The following IP6K2 variants were observed in gnomAD, a reference collection of about 807,000 sequenced individuals.
IP6K2 encodes ATP:1D-myo-inositol-hexakisphosphate phosphotransferase.
A neutral mutation model predicts 43.3 loss-of-function variants in IP6K2; 9 were observed. The observed-to-expected ratio is 0.21, with a 90% confidence interval of 0.13 to 0.36. IP6K2 has a LOEUF of 0.36. Among genes scored for constraint, IP6K2 ranks in the 10% least tolerant of loss-of-function variants. The pLI, the probability that IP6K2 is intolerant of heterozygous loss-of-function variation, is 1.00. For missense variants in IP6K2, 332 were observed against 538.4 expected, an observed-to-expected ratio of 0.62 and a Z score of 3.79; for synonymous variants, 209 against 202.4, an observed-to-expected ratio of 1.03 and a Z score of -0.28.
At chr3:48,700,423 C>T (rs1426663337) in intron 1 of IP6K2, among the ~76,000 whole-genome samples, 1 of 152,066 alleles carries the variant, frequency 6.6e-6, no homozygotes, top group Non-Finnish European at 1.5e-5. Context: ...ACGATAAAGC[C>T]CATGCAATGT....
intron 1 of IP6K2, among the ~76,000 whole-genome samples, chr3:48,716,825 C>T (rs1559581938): frequency 6.6e-6 from 1 of 152,134 alleles, no homozygotes; most frequent in Admixed American, 6.5e-5. Context: ...AGATCTTGCG[C>T]TTCCCAAGAC....
chr3:48,693,500 A>G, intron 2 of IP6K2: 1 of 1,267,286 alleles, frequency 7.9e-7, no homozygotes, highest in Non-Finnish European at 1.0e-6. Flanking sequence ...TTCTAATCCT[A>G]AAAGACTGAA....
chr3:48,715,359 C>G, intron 1 of IP6K2: 1 of 1,536,202 alleles, frequency 6.5e-7, no homozygotes, highest in Non-Finnish European at 8.7e-7. Flanking sequence ...TCCCTGTTGC[C>G]TAGATACCAG....
chr3:48,698,666 T>C (rs528421350), intron 1 of IP6K2, among the ~76,000 whole-genome samples: 1 of 152,194 alleles, frequency 6.6e-6, no homozygotes, highest in East Asian at 1.9e-4. Flanking sequence ...AGAGATGGGG[T>C]TTCGCCATGT....
chr3:48,713,735 G>A (rs986023965), intron 1 of IP6K2, among the ~76,000 whole-genome samples: 2 of 147,672 alleles, frequency 1.4e-5, no homozygotes, highest in African/African-American at 5.0e-5. Context: ...AGGTTGCAGT[G>A]AGCCGAGATC....
intron 1 of IP6K2, chr3:48,708,350 G>A (rs962897606): frequency 2.0e-5 from 3 of 151,966 alleles, no homozygotes; most frequent in Non-Finnish European, 2.9e-5. Context: ...AAAGCTTCTC[G>A]CTAAAACAAT....
rs1368799094 is a variant in IP6K2 at position 48,690,849 on chromosome 3, C to A, written c.604+458G>T. 2.7e-5 allele frequency among the ~76,000 whole-genome samples: 4 copies of A among 147,510 alleles called. No homozygotes were observed. In the East Asian group the frequency reaches 8.0e-4, roughly 30 times the overall value. On this transcript the variant is annotated intron_variant, in intron 4 of 5. Coordinates refer to ENST00000328631, the MANE Select transcript of IP6K2 (RefSeq NM_016291.4). ...GAAAAAAAGAAAAGAGAAAAGAAAA[C>A]AAATATTTCCTTATGCACAGCTCAT... is the stretch of plus-strand genomic sequence containing the variant.
chr3:48,711,327 C>T (rs2080491075), intron 1 of IP6K2: 1 of 152,230 alleles, frequency 6.6e-6, no homozygotes, highest in African/African-American at 2.4e-5. Flanking sequence ...TTACAGTCCT[C>T]CTCTGGCCTT....
rs549835766 is a variant in IP6K2 at position 48,710,260 on chromosome 3, T to C, written c.-131+6897A>G. On this transcript the variant is annotated intron_variant, in intron 1 of 5. Coordinates refer to ENST00000328631, the MANE Select transcript of IP6K2 (RefSeq NM_016291.4). ...TAAAAATTAGCCAGGCTTGGTGGCA[T>C]GCGCCTGTAGTCCTAGCTACTCAGA... is the stretch of plus-strand genomic sequence containing the variant. 1.4e-4 allele frequency among the ~76,000 whole-genome samples: 21 copies of C among 152,126 alleles called. No individual in the cohort carries two copies. The South Asian group carries it at 4.2e-3, about 30-fold the overall frequency.
intron 1 of IP6K2, among the ~76,000 whole-genome samples, chr3:48,706,552 T>C (rs896563462): frequency 3.3e-5 from 5 of 152,124 alleles, no homozygotes; most frequent in Non-Finnish European, 7.4e-5. Flanking sequence ...ATTGCTATTA[T>C]AGAAAGAGGT....
chr3:48,688,410 T>C lies in IP6K2; in HGVS notation c.1144A>G (p.Ile382Val), dbSNP rs150963193. Residue 382 changes from isoleucine to valine, a missense_variant, in exon 6 of 6, where the codon ATC (isoleucine) becomes GTC (valine). By Grantham distance (29) the Ile-to-Val change is conservative. Coordinates refer to ENST00000328631, the MANE Select transcript of IP6K2 (RefSeq NM_016291.4). The surrounding 1 kb of genome is among the most constrained non-coding windows in gnomAD (Gnocchi z 5.1). ...IGASSVDVRM[I>V]DFAHTTCRLY... is the part of the protein sequence containing the mutation. ...CTGCAGGTGGTGTGTGCAAAGTCGA[T>C]CATGCGCACATCTACAGAGCTGGCG... 6.2e-7 allele frequency: 1 copy of C among 1,614,094 alleles called. No homozygotes were observed. Among genetic ancestry groups the C allele is most frequent in the Non-Finnish European group, 8.5e-7 (1 of 1,180,044 alleles).
intron 1 of IP6K2, among the ~76,000 whole-genome samples, chr3:48,709,856 AT>A (rs2080280425): frequency 6.6e-6 from 1 of 151,562 alleles, no homozygotes. Context: ...AAATTAATTA[AT>A]TAAAAAAAAA....
chr3:48,700,635 G>C (rs981030747), intron 1 of IP6K2, among the ~76,000 whole-genome samples: 10 of 152,186 alleles, frequency 6.6e-5, no homozygotes, highest in African/African-American at 2.2e-4. Context: ...TTAAGGATCT[G>C]TTGGAAACAA....
rs1553636127 is a variant in IP6K2, at chr3:48,693,233, G to C, written c.203-54C>G. ...TTTTAATTTAGCAGGAAGAAGCGTT[G>C]TAAGTAACATGATTGTAACATTTGT... On this transcript the variant is annotated intron_variant, in intron 2 of 5. Transcript: ENST00000328631. 9 of 1,430,186 alleles carry C rather than the reference G, an allele frequency of 6.3e-6. 1 individual carries two copies. Among genetic ancestry groups the C allele is most frequent in the South Asian group, 2.3e-5 (2 of 87,376 alleles). 88.6% of individuals were successfully genotyped at this position (1,430,186 alleles called of 1,614,324 possible).
chr3:48,692,021 C>T (rs1427798787), intron 3 of IP6K2, among the ~76,000 whole-genome samples: 1 of 151,920 alleles, frequency 6.6e-6, no homozygotes, highest in Non-Finnish European at 1.5e-5. Context: ...TTAGGAGAGA[C>T]AGGGTTTCAT....
rs1198988498 is a variant in IP6K2 at position 48,693,081 on chromosome 3, T to C, written c.301A>G (p.Asn101Asp). ...GDHGIVDIVDNSDCEPKSKLL... is the reference protein window; with the variant it reads ...GDHGIVDIVDDSDCEPKSKLL... ...TTACTTTTTGGTTCACAGTCTGAAT[T>C]ATCTACAATGTCCACAATTCCATGG... The change falls in exon 3 of 6, where the codon AAT (asparagine) becomes GAT (aspartate). Residue 101 changes from asparagine (N) to aspartate (D), a missense_variant. Asn to Asp is a conservative substitution (Grantham distance 23). Transcript: ENST00000328631. The C allele has an allele frequency of 1.2e-6, 2 of 1,614,186 alleles. No individual in the cohort carries two copies. Among genetic ancestry groups the C allele is most frequent in the Non-Finnish European group, 1.7e-6 (2 of 1,179,970 alleles).
intron 1 of IP6K2, among the ~76,000 whole-genome samples, chr3:48,697,891 T>A (rs758763221): frequency 5.9e-5 from 9 of 152,138 alleles, no homozygotes; most frequent in Non-Finnish European, 1.0e-4. Flanking sequence ...TTTAAACTGG[T>A]GTTAATCTCT....
rs760155028 is a variant in IP6K2 at position 48,688,368 on chromosome 3, T to C, written c.1186A>G (p.Thr396Ala). ...GCATCCTGGCCCTCATGCACCACGG[T>C]GTCCTCGCCATACAGCCTGCAGGTG... Reference protein sequence around the residue: ...HTTCRLYGEDTVVHEGQDAGY... With the variant: ...HTTCRLYGEDAVVHEGQDAGY... Residue 396 changes from threonine (T) to alanine (A), a missense_variant, in exon 6 of 6, where the codon ACC becomes GCC. Thr to Ala is a moderately conservative substitution (Grantham distance 58). Transcript: ENST00000328631. This position sits in a 1 kb window ranked among gnomAD's most constrained non-coding sequence, Gnocchi z 5.1. 1.1e-5 allele frequency: 18 copies of C among 1,614,202 alleles called. No individual in the cohort carries two copies. The highest frequency in any genetic ancestry group is 1.5e-5 in the Non-Finnish European group (18 of 1,180,028).
chr3:48,690,044 G>A (rs2077631325), intron 4 of IP6K2, among the ~76,000 whole-genome samples: 1 of 152,216 alleles, frequency 6.6e-6, no homozygotes, highest in Middle Eastern at 3.2e-3. Context: ...TCAATTACAA[G>A]TAGAACATCA....
Sources: gnomAD v4.1 joint callset for allele counts (sites outside exome capture counted in the v4.1 genomes callset) on GRCh38, gnomAD v4.1.1 for gene constraint, Gnocchi (gnomAD v3.1) non-coding constraint, MANE v1.5 for transcripts, NCBI Gene and HGNC (gene_info 2026-07-23, HGNC 2026-07-21) for gene names.